The following DROSHA variants were observed in gnomAD, a reference collection of about 807,000 sequenced individuals.
DROSHA encodes drosha ribonuclease III.
DROSHA carries 56 observed loss-of-function variants against 181.9 expected under a neutral mutation model. That is an observed-to-expected ratio of 0.31 (90% CI 0.25 to 0.38). DROSHA has a LOEUF of 0.38. Ranked by LOEUF, DROSHA falls within the 10% of genes least tolerant of loss-of-function variation. The pLI, the probability that DROSHA is intolerant of heterozygous loss-of-function variation, is 1.00. For missense variants in DROSHA, 1,218 were observed against 1,743.5 expected (o/e 0.70, Z 5.37); for synonymous variants, 524 against 591.2 (o/e 0.89, Z 1.65).
At position 31,508,684 on chromosome 5, in the gene DROSHA, G is replaced by A; in HGVS notation, c.1524C>T (p.Ile508=). ...GGTCAGGGTGGGCCTTTTTGCGTTT[G>A]ATTTCTGCAATAACGTCAAAAACTT... ...DSEVFDVIAE[I]KRKKAHPDRL... The change falls in exon 10 of 36, where the codon ATC becomes ATT. Residue 508 remains isoleucine (I), a synonymous_variant. Transcript: ENST00000344624. 6.2e-7 allele frequency: 1 copy of A among 1,613,930 alleles called. No homozygotes were observed. Among genetic ancestry groups the A allele is most frequent in the Non-Finnish European group, 8.5e-7 (1 of 1,179,876 alleles).
At chr5:31,465,077 G>A (rs971836794) in intron 19 of DROSHA, among the ~76,000 whole-genome samples, 4 of 151,780 alleles carry the variant, frequency 2.6e-5, no homozygotes, top group South Asian at 2.1e-4. Flanking sequence ...GTGCACCAAC[G>A]GAGGAACACT....
rs527652293 is a variant in DROSHA, at chr5:31,467,740, C to T, written c.2366+199G>A. 368 of 581,288 alleles carry T rather than the reference C, an allele frequency of 6.3e-4. 1 individual carries two copies. The highest frequency in any genetic ancestry group is 1.6e-3 in the Middle Eastern group (3 of 1,868). 36.0% of individuals were successfully genotyped at this position (581,288 alleles called of 1,614,324 possible). A position where few individuals can be genotyped will look rare whatever the true frequency, so the allele number is the denominator to read the frequency against. On this transcript the variant is annotated intron_variant, in intron 18 of 35. Transcript: ENST00000344624. ...AAAATATTCTATTGAATAATAGTTTCTTGCACTCAAATATGTACAGAAAAT... is the reference window on the plus strand; with the variant it reads ...AAAATATTCTATTGAATAATAGTTTTTTGCACTCAAATATGTACAGAAAAT...
At chr5:31,499,822 G>A (rs911357216) in intron 11 of DROSHA, among the ~76,000 whole-genome samples, 2 of 152,160 alleles carry the variant, frequency 1.3e-5, no homozygotes, top group Admixed American at 1.3e-4. Flanking sequence ...TTCACTTAGA[G>A]AACCACTACA....
At chr5:31,408,132 C>A (rs756026023) in intron 33 of DROSHA, among the ~76,000 whole-genome samples, 1 of 152,016 alleles carries the variant, frequency 6.6e-6, no homozygotes, top group Non-Finnish European at 1.5e-5. Flanking sequence ...TAAAAACATG[C>A]GAAAGGATTG....
At chr5:31,483,661 A>G in intron 15 of DROSHA, 33 bp from the exon 16 acceptor site, 1 of 1,432,868 alleles carries the variant, frequency 7.0e-7, no homozygotes, top group Non-Finnish European at 9.5e-7. Flanking sequence ...AAAAAAAAAA[A>G]AGAAAACTCA....
At chr5:31,419,438 C>A (rs944361662) in intron 30 of DROSHA, among the ~76,000 whole-genome samples, 7 of 152,110 alleles carry the variant, frequency 4.6e-5, no homozygotes, top group African/African-American at 1.7e-4. Flanking sequence ...ACACTTCTGG[C>A]ATTGAAGTGA....
At chr5:31,445,295 T>G (rs2150011070) in intron 23 of DROSHA, among the ~76,000 whole-genome samples, 1 of 152,336 alleles carries the variant, frequency 6.6e-6, no homozygotes, top group African/African-American at 2.4e-5. Flanking sequence ...TGTCAAACTG[T>G]GTTAATGAGT....
At chr5:31,420,855 T>G (rs1284788322) in intron 30 of DROSHA, among the ~76,000 whole-genome samples, 2 of 152,254 alleles carry the variant, frequency 1.3e-5, no homozygotes, top group Non-Finnish European at 2.9e-5. Flanking sequence ...ATATTTAACA[T>G]GTTCTACCTT....
chr5:31,485,471 A>C (rs1287001091), intron 14 of DROSHA, among the ~76,000 whole-genome samples: 1 of 152,082 alleles, frequency 6.6e-6, no homozygotes, highest in Non-Finnish European at 1.5e-5. Flanking sequence ...TTCTCCTGTA[A>C]ACAAGCTAAA....
intron 6 of DROSHA, among the ~76,000 whole-genome samples, chr5:31,517,555 C>T (rs1476751987): frequency 6.6e-6 from 1 of 152,020 alleles, no homozygotes; most frequent in African/African-American, 2.4e-5. Flanking sequence ...TCACATGTAA[C>T]TTTACATATT....
intron 11 of DROSHA, 60 bp from the exon 12 acceptor site, chr5:31,495,432 A>G: frequency 2.1e-6 from 3 of 1,452,828 alleles, no homozygotes; most frequent in Non-Finnish European, 1.9e-6. Flanking sequence ...TTACTTAAAA[A>G]TATATTGTAT....
intron 13 of DROSHA, among the ~76,000 whole-genome samples, chr5:31,489,830 G>C (rs1752176761): frequency 6.6e-6 from 1 of 152,168 alleles, no homozygotes; most frequent in South Asian, 2.1e-4. Flanking sequence ...CTGTGCTTTT[G>C]AGAATACGAC....
chr5:31,454,213 C>T (rs939895924), intron 20 of DROSHA, among the ~76,000 whole-genome samples: 3 of 152,060 alleles, frequency 2.0e-5, no homozygotes, highest in Non-Finnish European at 2.9e-5. Context: ...TGAGTGAATA[C>T]GGGAGGACAG....
At chr5:31,487,442 G>A (rs4867338) in intron 13 of DROSHA, among the ~76,000 whole-genome samples, 3,300 of 152,220 alleles carry the variant, frequency 0.022, 187 homozygotes, top group East Asian at 0.22. Context: ...CAGGTTTTCC[G>A]TAAATATATT....
rs986723005 is a variant in DROSHA at position 31,514,859 on chromosome 5, G to C, written c.1290+129C>G. On this transcript the variant is annotated intron_variant, in intron 8 of 35. Coordinates refer to ENST00000344624, the MANE Select transcript of DROSHA (RefSeq NM_001382508.1). The surrounding 1 kb of genome is among the most constrained non-coding windows in gnomAD (Gnocchi z 4.4). ...ACTGGCATCTAACAGGTAGAGCCCA[G>C]AGATGCCGCTAAACATCCTACAATG... 1.2e-6 allele frequency: 1 copy of C among 807,024 alleles called. No homozygotes were observed. Among genetic ancestry groups the C allele is most frequent in the East Asian group, 2.6e-5 (1 of 38,508 alleles). The allele number at this position is 807,024 out of a possible 1,614,324, so 50.0% of individuals were successfully genotyped here.
intron 30 of DROSHA, among the ~76,000 whole-genome samples, chr5:31,415,746 G>A (rs981887662): frequency 2.0e-5 from 3 of 152,128 alleles, no homozygotes; most frequent in Non-Finnish European, 4.4e-5. Context: ...AAAGAGTAAA[G>A]GCTAAGAAAG....
chr5:31,483,724 A>G, intron 15 of DROSHA, 96 bp from the exon 16 acceptor site: 2 of 1,211,004 alleles, frequency 1.7e-6, no homozygotes, highest in South Asian at 2.9e-5. Context: ...GATAACCACA[A>G]AAACTACCAC....
At chr5:31,437,082 G>A (rs2287585) in intron 24 of DROSHA, among the ~76,000 whole-genome samples, 157 bp downstream of exon 24, 3,654 of 152,066 alleles carry the variant, frequency 0.024, 152 homozygotes, top group East Asian at 0.2. Context: ...TCAGGGCAAG[G>A]GCCACAGACA....
intron 13 of DROSHA, among the ~76,000 whole-genome samples, chr5:31,488,278 G>T (rs772178561): frequency 6.6e-6 from 1 of 151,866 alleles, no homozygotes; most frequent in Non-Finnish European, 1.5e-5. Context: ...TTAGCTGGGC[G>T]TGGTGGCGTC....
Sources: allele counts gnomAD v4.1 joint callset (sites outside exome capture counted in the v4.1 genomes callset), GRCh38; gene constraint gnomAD v4.1.1; non-coding constraint Gnocchi (gnomAD v3.1); transcripts MANE v1.5; gene names NCBI Gene and HGNC (gene_info 2026-07-23, HGNC 2026-07-21).